Variants in ZNF667 observed in about 807,000 individuals in gnomAD.
The protein encoded by ZNF667 is zinc finger protein 667.
In ZNF667, 13 loss-of-function variants were observed where a neutral mutation model predicts 31.8. That is an observed-to-expected ratio of 0.41 (90% CI 0.27 to 0.65). The LOEUF (loss-of-function observed/expected upper bound fraction) is 0.65, where lower values mean the gene tolerates loss of function less well. Among genes scored for constraint, ZNF667 ranks in the 30% least tolerant of loss-of-function variants. ZNF667 has a pLI of 0.32. For synonymous variants in ZNF667, 228 were observed against 247.1 expected (o/e 0.92, Z 0.73); for missense variants, 642 against 725.6 (o/e 0.88, Z 1.32).
chr19:56,463,425 C>A (rs892262487), intron 3 of ZNF667, among the ~76,000 whole-genome samples: 1 of 152,172 alleles, frequency 6.6e-6, no homozygotes, highest in South Asian at 2.1e-4. Flanking sequence ...AATCTCTGCC[C>A]TGTATCAGTC....
chr19:56,469,374 G>A (rs1179835235), intron 3 of ZNF667, among the ~76,000 whole-genome samples: 1 of 152,232 alleles, frequency 6.6e-6, no homozygotes, highest in Non-Finnish European at 1.5e-5. Flanking sequence ...GGGTCAGACT[G>A]AGGGTGGCAA....
At chr19:56,470,697 G>A (rs959040212) in intron 3 of ZNF667, among the ~76,000 whole-genome samples, 2 of 152,166 alleles carry the variant, frequency 1.3e-5, no homozygotes, top group African/African-American at 2.4e-5. Flanking sequence ...GGCCACAGGA[G>A]TTGGGGAAAA....
chr19:56,474,992 A>G (rs1188501132), intron 1 of ZNF667: 2 of 152,222 alleles, frequency 1.3e-5, no homozygotes, highest in Admixed American at 6.5e-5. Context: ...GGTTAAGATC[A>G]AAGTCAAACT....
chr19:56,442,687 G>T lies in ZNF667; in HGVS notation c.308C>A (p.Ser103Tyr). 1 of 1,610,038 alleles carries T rather than the reference G, an allele frequency of 6.2e-7. No individual in the cohort carries two copies. The highest frequency in any genetic ancestry group is 1.1e-5 in the South Asian group (1 of 90,600). The change falls in exon 7 of 7, where the codon TCT (serine) becomes TAT (tyrosine). Residue 103 changes from serine (S) to tyrosine (Y), a missense_variant. By Grantham distance (144) the Ser-to-Tyr change is moderately radical (BLOSUM62 -2). Coordinates refer to ENST00000504904, the MANE Select transcript of ZNF667 (RefSeq NM_001321356.2). ...KKLPPNQCNKSGQSICQKLVS... is the reference protein window; with the variant it reads ...KKLPPNQCNKYGQSICQKLVS... Reference sequence around the variant, plus strand: ...TAGTTTCTGGCAGATGCTTTGCCCAGATTTGTTGCATTGATTTGGAGGTAA... The same window carrying T: ...TAGTTTCTGGCAGATGCTTTGCCCATATTTGTTGCATTGATTTGGAGGTAA...
At chr19:56,477,543 G>A (rs1457663283), upstream of ZNF667, 1 of 152,622 alleles carries the variant, frequency 6.6e-6, no homozygotes, top group Non-Finnish European at 1.5e-5. Flanking sequence ...TGGTGCAGGC[G>A]GACGCGCGAG....
chr19:56,450,714 AGAG>A (rs1198067629), intron 6 of ZNF667, among the ~76,000 whole-genome samples: 18 of 152,228 alleles, frequency 1.2e-4, no homozygotes, highest in African/African-American at 4.3e-4. Flanking sequence ...GTTTAAAAGC[AGAG>A]GAGATAAATT....
At chr19:56,466,021 T>C (rs2043151831) in intron 3 of ZNF667, among the ~76,000 whole-genome samples, 1 of 152,176 alleles carries the variant, frequency 6.6e-6, no homozygotes, top group African/African-American at 2.4e-5. Flanking sequence ...CAGCTCACAA[T>C]AACAAATGTG....
chr19:56,468,373 T>C (rs957081078), intron 3 of ZNF667: 1 of 152,150 alleles, frequency 6.6e-6, no homozygotes, highest in African/African-American at 2.4e-5. Context: ...ATGTAAACTG[T>C]GTGTTCAGTG....
intron 3 of ZNF667, among the ~76,000 whole-genome samples, chr19:56,471,351 C>T (rs1468621226): frequency 1.3e-5 from 2 of 152,150 alleles, no homozygotes; most frequent in Non-Finnish European, 2.9e-5. Flanking sequence ...AGTGTGAGAA[C>T]AGACTAATAC....
chr19:56,459,803 C>T (rs1464851211), intron 5 of ZNF667, among the ~76,000 whole-genome samples: 3 of 152,122 alleles, frequency 2.0e-5, no homozygotes, highest in Non-Finnish European at 2.9e-5. Context: ...ACCATCCTGG[C>T]TAATACGGGG....
rs558281864 is a variant in ZNF667, at chr19:56,441,399, A to G, written c.1596T>C (p.Cys532=). ...TGEKPYTCKT[C]GKAFSQRTSL... The stretch of plus-strand genomic sequence containing the variant: ...ATGTGCGCTGACTAAAGGCCTTACC[A>G]CATGTTTTGCATGTATATGGCTTCT... Residue 532 remains cysteine (C), a synonymous_variant, in exon 7 of 7, where the codon TGT becomes TGC. Transcript: ENST00000504904. This position sits in a 1 kb window ranked among gnomAD's most constrained non-coding sequence, Gnocchi z 4.2. 6.2e-7 allele frequency: 1 copy of G among 1,614,176 alleles called. No individual in the cohort carries two copies. Among genetic ancestry groups the G allele is most frequent in the South Asian group, 1.1e-5 (1 of 91,088 alleles).
intron 1 of ZNF667, 143 bp downstream of exon 1, chr19:56,477,129 C>T (rs1332954882): frequency 1.3e-5 from 2 of 152,252 alleles, no homozygotes; most frequent in African/African-American, 4.8e-5. Flanking sequence ...GGCGCGAGCC[C>T]ACCGCCCACG....
intron 4 of ZNF667, among the ~76,000 whole-genome samples, chr19:56,461,978 C>T (rs750489222): frequency 1.6e-4 from 24 of 152,256 alleles, no homozygotes; most frequent in Non-Finnish European, 2.8e-4. Flanking sequence ...TCTGCTACTG[C>T]AGGCCCCACC....
In ZNF667 at chr19:56,440,603, T is replaced by G; in HGVS notation, c.*559A>C. 2.0e-6 allele frequency: 2 copies of G among 982,156 alleles called. No homozygotes were observed. Among genetic ancestry groups the G allele is most frequent in the Non-Finnish European group, 2.4e-6 (2 of 827,030 alleles). 60.8% of individuals were successfully genotyped at this position (982,156 alleles called of 1,614,324 possible). ...TATTTTGTTGTATGTGACCAATAAA[T>G]TATCTTTAAAACTATGCTGGAAGTA... On this transcript the variant is annotated 3_prime_UTR_variant, in exon 7 of 7. Coordinates refer to ENST00000504904, the MANE Select transcript of ZNF667 (RefSeq NM_001321356.2).
intron 6 of ZNF667, among the ~76,000 whole-genome samples, chr19:56,457,270 T>C (rs930187027): frequency 5.0e-4 from 76 of 152,284 alleles, no homozygotes; most frequent in Middle Eastern, 3.4e-3. Flanking sequence ...GATTTGAATG[T>C]TATCGTAAGT....
rs763463281 is a variant in ZNF667, at chr19:56,442,114, G to A, written c.881C>T (p.Ser294Leu). The change falls in exon 7 of 7, where the codon TCA becomes TTA. Residue 294 changes from serine to leucine, a missense_variant. Coordinates refer to ENST00000504904, the MANE Select transcript of ZNF667 (RefSeq NM_001321356.2). ...AATTCTTTTATGTACAACAAAGACT[G>A]ATTTCTTTTTGAAGCCTCTCCCACA... ...NKCGRGFKKK[S>L]VFVVHKRIHA... 1 of 1,613,434 alleles carries A rather than the reference G, an allele frequency of 6.2e-7. No homozygotes were observed. The highest frequency in any genetic ancestry group is 1.1e-5 in the South Asian group (1 of 90,898).
At chr19:56,466,730 G>C (rs2043169109) in intron 3 of ZNF667, among the ~76,000 whole-genome samples, 1 of 152,126 alleles carries the variant, frequency 6.6e-6, no homozygotes, top group African/African-American at 2.4e-5. Context: ...CTCCCACCAA[G>C]CCTGCAGAAT....
chr19:56,450,456 A>C (rs2042797191), intron 6 of ZNF667, among the ~76,000 whole-genome samples: 2 of 152,222 alleles, frequency 1.3e-5, no homozygotes, highest in South Asian at 4.1e-4. Context: ...GACCTCTCCT[A>C]CAAGAAAGCC....
In ZNF667 at chr19:56,441,560, C is replaced by G. The variant is rs1335142999; in HGVS notation, c.1435G>C (p.Ala479Pro). 7 of 1,614,090 alleles carry G rather than the reference C, an allele frequency of 4.3e-6. No individual in the cohort carries two copies. The highest frequency in any genetic ancestry group is 1.7e-5 in the Admixed American group (1 of 60,004). The change falls in exon 7 of 7, where the codon GCC becomes CCC. Residue 479 changes from alanine to proline, a missense_variant. Coordinates refer to ENST00000504904, the MANE Select transcript of ZNF667 (RefSeq NM_001321356.2). The surrounding 1 kb of genome is among the most constrained non-coding windows in gnomAD (Gnocchi z 4.2). ...GTGAGAGATATTCGGTGGCTGAAGG[C>G]TTTTCCACATTCCTCACACTGGTAG... Reference protein sequence around the residue: ...KPYQCEECGKAFSHRISLTRH... With the variant: ...KPYQCEECGKPFSHRISLTRH...
Sources: allele counts gnomAD v4.1 joint callset (sites outside exome capture counted in the v4.1 genomes callset), GRCh38; gene constraint gnomAD v4.1.1; non-coding constraint Gnocchi (gnomAD v3.1); transcripts MANE v1.5; gene names NCBI Gene and HGNC (gene_info 2026-07-23, HGNC 2026-07-21).